The following CTNNA3 variants were observed in gnomAD, a reference collection of about 807,000 sequenced individuals.
The protein encoded by CTNNA3 is catenin alpha 3, also known as catenin alpha-3.
In CTNNA3, 76 loss-of-function variants were observed where a neutral mutation model predicts 95.7. The observed-to-expected ratio is 0.79, with a 90% confidence interval of 0.66 to 0.96. CTNNA3 has a LOEUF of 0.96. Among genes scored for constraint, CTNNA3 ranks in the 40% least tolerant of loss-of-function variants. The pLI is 0.00. For synonymous variants in CTNNA3, 431 were observed against 374.4 expected, an observed-to-expected ratio of 1.15 and a Z score of -1.74; for missense variants, 1,191 against 1,089.8, an observed-to-expected ratio of 1.09 and a Z score of -1.31.
chr10:67,476,655 T>C (rs1040621777), intron 5 of CTNNA3, among the ~76,000 whole-genome samples: 4 of 150,670 alleles, frequency 2.7e-5, no homozygotes, highest in Non-Finnish European at 5.9e-5. Context: ...CTTTGCACCA[T>C]GCCGATTAAA....
intron 5 of CTNNA3, among the ~76,000 whole-genome samples, chr10:67,514,356 T>C (rs964873015): frequency 2.0e-5 from 3 of 152,170 alleles, no homozygotes; most frequent in Non-Finnish European, 4.4e-5. Context: ...AAAGATTCTT[T>C]ACTTGGTTTA....
chr10:66,600,481 T>C (rs908917598), intron 10 of CTNNA3, among the ~76,000 whole-genome samples: 1 of 151,806 alleles, frequency 6.6e-6, no homozygotes, highest in Admixed American at 6.6e-5. Context: ...CTTTGACTAC[T>C]AGATTTTTGA....
chr10:66,846,577 A>ATGTG (rs548378811), intron 7 of CTNNA3, among the ~76,000 whole-genome samples: 3 of 149,648 alleles, frequency 2.0e-5, no homozygotes, highest in South Asian at 2.1e-4. Context: ...TATATACCAT[A>ATGTG]TGTGTGTGTG....
At chr10:66,284,107 G>T (rs2091541772) in intron 12 of CTNNA3, among the ~76,000 whole-genome samples, 1 of 151,378 alleles carries the variant, frequency 6.6e-6, no homozygotes, top group Admixed American at 6.6e-5. Context: ...CGGCCTTTTG[G>T]TCAACACCCC....
chr10:66,748,265 C>T (rs1838970318), intron 9 of CTNNA3, among the ~76,000 whole-genome samples: 1 of 152,184 alleles, frequency 6.6e-6, no homozygotes, highest in Admixed American at 6.5e-5. Flanking sequence ...GTTGAAAAAG[C>T]AATTCCGCAG....
At chr10:67,755,450 G>A (rs1466861775) in intron 1 of CTNNA3, among the ~76,000 whole-genome samples, 1 of 151,980 alleles carries the variant, frequency 6.6e-6, no homozygotes, top group Middle Eastern at 3.2e-3. Flanking sequence ...TTCCTCAAAA[G>A]ACTAAAAATA....
At chr10:66,197,890 A>C (rs1012522591) in intron 13 of CTNNA3, among the ~76,000 whole-genome samples, 3 of 152,198 alleles carry the variant, frequency 2.0e-5, no homozygotes. Context: ...AAAAATTTCA[A>C]TTCAGAGATG....
At chr10:66,422,883 G>C (rs569260297) in intron 11 of CTNNA3, among the ~76,000 whole-genome samples, 1 of 146,712 alleles carries the variant, frequency 6.8e-6, no homozygotes, top group South Asian at 2.2e-4. Flanking sequence ...ACCTCCCTCG[G>C]CCTACCAAAG....
chr10:66,138,896 C>A (rs1226682481), intron 13 of CTNNA3, among the ~76,000 whole-genome samples: 1 of 152,142 alleles, frequency 6.6e-6, no homozygotes, highest in Non-Finnish European at 1.5e-5. Context: ...GATGGATTGA[C>A]AATGATCAAA....
chr10:66,516,020 T>C (rs1233674501), intron 11 of CTNNA3, among the ~76,000 whole-genome samples: 1 of 141,692 alleles, frequency 7.1e-6, no homozygotes, highest in East Asian at 2.3e-4. Flanking sequence ...TGCAAGATTG[T>C]GCCAATTCTC....
At chr10:65,929,617 G>A (rs2077219833) in intron 17 of CTNNA3, among the ~76,000 whole-genome samples, 1 of 149,068 alleles carries the variant, frequency 6.7e-6, no homozygotes, top group Non-Finnish European at 1.5e-5. Context: ...CACCTAGGCT[G>A]GAGTACAGTG....
At chr10:67,320,493 G>A (rs1214824922) in intron 5 of CTNNA3, among the ~76,000 whole-genome samples, 1 of 152,122 alleles carries the variant, frequency 6.6e-6, no homozygotes, top group Non-Finnish European at 1.5e-5. Context: ...AATCTTTTCT[G>A]GTAGCAAGAA....
intron 11 of CTNNA3, among the ~76,000 whole-genome samples, chr10:66,461,026 T>G (rs10997141): frequency 0.11 from 17,332 of 152,104 alleles, 1,386 homozygotes; most frequent in African/African-American, 0.23. Flanking sequence ...TCTGCTTCGA[T>G]CTCTACTTAT....
chr10:66,382,832 G>T (rs1414560729), intron 11 of CTNNA3, among the ~76,000 whole-genome samples: 3 of 152,112 alleles, frequency 2.0e-5, no homozygotes, highest in African/African-American at 7.2e-5. Context: ...AACTCCAACA[G>T]ACCTGCAGCT....
At chr10:66,199,765 C>CCATATATATATATATATATATA (rs1410081168) in intron 13 of CTNNA3, among the ~76,000 whole-genome samples, 1 of 30,716 alleles carries the variant, frequency 3.3e-5, no homozygotes, top group South Asian at 1.0e-3. Context: ...CCACGCCTGG[C>CCATATATATATATATATATATA]TATATATATA....
At chr10:66,186,475 T>A (rs75844753) in intron 13 of CTNNA3, among the ~76,000 whole-genome samples, 5,482 of 152,210 alleles carry the variant, frequency 0.036, 319 homozygotes, top group African/African-American at 0.12. Context: ...ATCTTCATCA[T>A]TTTCTTAAAT....
At chr10:67,553,178 A>G (rs1190671104) in intron 3 of CTNNA3, among the ~76,000 whole-genome samples, 1 of 152,154 alleles carries the variant, frequency 6.6e-6, no homozygotes, top group Admixed American at 6.6e-5. Context: ...CTCTTCAATA[A>G]AGTTCAACAA....
chr10:67,686,420 C>G (rs1359087764), intron 1 of CTNNA3, among the ~76,000 whole-genome samples: 1 of 152,190 alleles, frequency 6.6e-6, no homozygotes, highest in Non-Finnish European at 1.5e-5. Flanking sequence ...TGGACTATAA[C>G]CTGTTGGTAG....
chr10:67,647,362 A>G, intron 2 of CTNNA3, 53 bp downstream of exon 2: 1 of 1,239,438 alleles, frequency 8.1e-7, no homozygotes, highest in Non-Finnish European at 1.1e-6. Flanking sequence ...TTTCCCACAT[A>G]TTTTTCATTC....
Sources: allele counts gnomAD v4.1 joint callset (sites outside exome capture counted in the v4.1 genomes callset), GRCh38; gene constraint gnomAD v4.1.1; transcripts MANE v1.5; gene names NCBI Gene and HGNC (gene_info 2026-07-23, HGNC 2026-07-21).